Variants in CSNK1G1 observed in about 807,000 individuals in gnomAD.
The protein encoded by CSNK1G1 is casein kinase I isoform gamma-1.
A neutral mutation model predicts 59.6 loss-of-function variants in CSNK1G1; 22 were observed. The ratio of observed to expected loss-of-function variants is 0.37; its 90% CI spans 0.26 to 0.53. The LOEUF (loss-of-function observed/expected upper bound fraction) is 0.53. Among genes scored for constraint, CSNK1G1 ranks in the 20% least tolerant of loss-of-function variants. CSNK1G1 has a pLI of 0.89. For missense variants in CSNK1G1, 384 were observed against 519.5 expected, an observed-to-expected ratio of 0.74 and a Z score of 2.54; for synonymous variants, 179 against 177.1, an observed-to-expected ratio of 1.01 and a Z score of -0.08.
chr15:64,259,412 A>G (rs370336010), intron 2 of CSNK1G1, among the ~76,000 whole-genome samples, 171 bp from the exon 3 acceptor site: 22 of 152,240 alleles, frequency 1.4e-4, no homozygotes, highest in East Asian at 5.8e-4. Context: ...TAGCAAGGCT[A>G]GAACAGCTTG....
At chr15:64,233,165 C>G (rs1359220352) in intron 4 of CSNK1G1, among the ~76,000 whole-genome samples, 2 of 152,172 alleles carry the variant, frequency 1.3e-5, no homozygotes, top group East Asian at 3.8e-4. Context: ...TCAAGCAGTT[C>G]TGCACTTTGC....
At chr15:64,355,726 C>T (rs1898623835) in intron 1 of CSNK1G1, among the ~76,000 whole-genome samples, 1 of 152,142 alleles carries the variant, frequency 6.6e-6, no homozygotes, top group African/African-American at 2.4e-5. Flanking sequence ...CGGTCCACAC[C>T]GGCTAGAGTC....
At chr15:64,348,451 TATTCC>T (rs1224707414) in intron 1 of CSNK1G1, 1 of 152,116 alleles carries the variant, frequency 6.6e-6, no homozygotes, top group Non-Finnish European at 1.5e-5. Context: ...TCTGCTCTCT[TATTCC>T]AGAAATCTAA....
intron 1 of CSNK1G1, among the ~76,000 whole-genome samples, chr15:64,311,677 G>A (rs1182849155): frequency 3.0e-4 from 32 of 108,144 alleles, no homozygotes; most frequent in African/African-American, 7.3e-4. Flanking sequence ...TAAAAAAAGT[G>A]AAAAAAAAAA....
At chr15:64,185,878 AAGAG>A (rs1229158879) in intron 10 of CSNK1G1, among the ~76,000 whole-genome samples, 6 of 151,728 alleles carry the variant, frequency 4.0e-5, no homozygotes, top group Admixed American at 1.3e-4. Flanking sequence ...AAAAAAAAAA[AAGAG>A]AGAAAAAGAA....
At chr15:64,196,503 G>A (rs1355716254) in intron 10 of CSNK1G1, among the ~76,000 whole-genome samples, 2 of 151,594 alleles carry the variant, frequency 1.3e-5, no homozygotes, top group Middle Eastern at 3.4e-3. Flanking sequence ...CCAGGCTGGA[G>A]TGCAATGGCA....
At chr15:64,276,088 G>C (rs1893598486) in intron 2 of CSNK1G1, among the ~76,000 whole-genome samples, 1 of 152,162 alleles carries the variant, frequency 6.6e-6, no homozygotes, top group African/African-American at 2.4e-5. Context: ...AGGCTACGTG[G>C]AGTGAGGTAA....
rs565375718 is a variant in CSNK1G1 at position 64,273,389 on chromosome 15, G to A, written c.182-14148C>T. On this transcript the variant is annotated intron_variant, in intron 2 of 11. Transcript: ENST00000303052. ...AGATGAATAAAATGTTTTTATAACAGAACATATAAAGAATAACTATTTCAC... is the reference window on the plus strand; with the variant it reads ...AGATGAATAAAATGTTTTTATAACAAAACATATAAAGAATAACTATTTCAC... 6.8e-4 allele frequency among the ~76,000 whole-genome samples: 104 copies of A among 152,242 alleles called. 1 individual carries two copies. Among genetic ancestry groups the A allele is most frequent in the Admixed American group, 1.6e-3 (24 of 15,284 alleles).
At chr15:64,258,255 T>C (rs1892499898) in intron 3 of CSNK1G1, among the ~76,000 whole-genome samples, 1 of 152,018 alleles carries the variant, frequency 6.6e-6, no homozygotes, top group African/African-American at 2.4e-5. Context: ...GCATGTAGTC[T>C]GTAGTCCCAC....
chr15:64,291,817 T>C (rs747017442), intron 2 of CSNK1G1, among the ~76,000 whole-genome samples: 1 of 152,122 alleles, frequency 6.6e-6, no homozygotes, highest in Non-Finnish European at 1.5e-5. Context: ...GGATATAATA[T>C]GAAATGAACT....
At chr15:64,303,572 C>T (rs962442081) in intron 1 of CSNK1G1, among the ~76,000 whole-genome samples, 6 of 151,358 alleles carry the variant, frequency 4.0e-5, no homozygotes, top group Admixed American at 6.6e-5. Flanking sequence ...GCCAATATGA[C>T]GAAACCCCAT....
chr15:64,293,529 T>G (rs926623595), intron 2 of CSNK1G1, among the ~76,000 whole-genome samples: 4 of 152,202 alleles, frequency 2.6e-5, no homozygotes, highest in Non-Finnish European at 5.9e-5. Context: ...GAGGGCAAAC[T>G]GACAATGTGT....
chr15:64,253,578 A>G (rs1391039395), intron 3 of CSNK1G1, among the ~76,000 whole-genome samples: 1 of 152,230 alleles, frequency 6.6e-6, no homozygotes, highest in Non-Finnish European at 1.5e-5. Flanking sequence ...TAGATGCTCC[A>G]AAGAAGTGAA....
chr15:64,193,604 T>C (rs1490001238), intron 10 of CSNK1G1, among the ~76,000 whole-genome samples: 1 of 152,192 alleles, frequency 6.6e-6, no homozygotes. Flanking sequence ...AATCTGTCAT[T>C]TGTGCAGAGA....
At chr15:64,179,575 C>T (rs1381380785) in intron 11 of CSNK1G1, among the ~76,000 whole-genome samples, 1 of 152,194 alleles carries the variant, frequency 6.6e-6, no homozygotes, top group Non-Finnish European at 1.5e-5. Context: ...TCTCTCCCTA[C>T]CTGGTATCTT....
intron 2 of CSNK1G1, among the ~76,000 whole-genome samples, chr15:64,282,809 C>T (rs982460165): frequency 2.6e-5 from 4 of 152,160 alleles, no homozygotes; most frequent in Non-Finnish European, 5.9e-5. Flanking sequence ...TACACTTCCC[C>T]CCTAGCCAAC....
At chr15:64,272,211 T>G (rs1893348183) in intron 2 of CSNK1G1, among the ~76,000 whole-genome samples, 1 of 151,996 alleles carries the variant, frequency 6.6e-6, no homozygotes, top group East Asian at 1.9e-4. Context: ...CTTGCCACTC[T>G]GTGACTTTTT....
rs190976709 is a variant in CSNK1G1, at chr15:64,244,156, G to A, written c.292+7356C>T. On this transcript the variant is annotated intron_variant, in intron 4 of 11. Coordinates refer to ENST00000303052, the MANE Select transcript of CSNK1G1 (RefSeq NM_022048.5). ...TGCACTCCAGCCTGGGCGACAGAGC[G>A]AGACTCTGTCTCAAAAAATAAAAAT... Among the ~76,000 whole-genome samples, 986 of 152,028 alleles carry A rather than the reference G, an allele frequency of 6.5e-3. 9 individuals are homozygous for A. The highest frequency in any genetic ancestry group is 0.023 in the African/African-American group (942 of 41,452).
At chr15:64,348,052 GA>G (rs1053048348) in intron 1 of CSNK1G1, among the ~76,000 whole-genome samples, 4 of 143,002 alleles carry the variant, frequency 2.8e-5, no homozygotes, top group African/African-American at 7.7e-5. Flanking sequence ...ATTGCTAAGT[GA>G]AAAAAAAAAC....
Sources: gnomAD v4.1 joint callset for allele counts (sites outside exome capture counted in the v4.1 genomes callset) on GRCh38, gnomAD v4.1.1 for gene constraint, MANE v1.5 for transcripts, NCBI Gene and HGNC (gene_info 2026-07-23, HGNC 2026-07-21) for gene names.